PKHD1: variants seen among roughly 807,000 people sequenced by gnomAD.
PKHD1 encodes fibrocystin.
In PKHD1, 291 loss-of-function variants were observed where a neutral mutation model predicts 412.0. That is an observed-to-expected ratio of 0.71 (90% confidence interval 0.64 to 0.78). The LOEUF (loss-of-function observed/expected upper bound fraction) is 0.78. PKHD1 is among the 30% of genes least tolerant of loss of function. PKHD1 has a pLI of 0.00. For synonymous variants in PKHD1, 1,777 were observed against 1,821.5 expected, an observed-to-expected ratio of 0.98 and a Z score of 0.62; for missense variants, 4,825 against 4,950.7, an observed-to-expected ratio of 0.97 and a Z score of 0.76.
chr6:52,021,614 A>G (rs533614660), intron 33 of PKHD1, among the ~76,000 whole-genome samples: 2 of 152,194 alleles, frequency 1.3e-5, no homozygotes, highest in African/African-American at 2.4e-5. Flanking sequence ...TTTGAACTTC[A>G]ATCTTCTATT....
At chr6:51,810,017 G>A (rs764860805) in intron 52 of PKHD1, among the ~76,000 whole-genome samples, 3 of 151,536 alleles carry the variant, frequency 2.0e-5, no homozygotes, top group South Asian at 2.1e-4. Flanking sequence ...TTTTATTCTC[G>A]ACACTAACAG....
rs370370337 is a variant in PKHD1, at chr6:51,928,377, AGTCAGACTTCTGTCT to A, written c.6121+5718_6121+5732del. On this transcript the variant is annotated intron_variant, in intron 37 of 66. Coordinates refer to ENST00000371117, the MANE Select transcript of PKHD1 (RefSeq NM_138694.4). ...CTAAAGAAAAATAAAATCTATTCTGAGTCAGACTTCTGTCTGAAAGGTTTGCATCTACCAAACATC... is the reference window on the plus strand; with the variant it reads ...CTAAAGAAAAATAAAATCTATTCTGAGAAAGGTTTGCATCTACCAAACATC... Among the ~76,000 whole-genome samples the A allele has an allele frequency of 7.5e-3, 1,147 of 152,324 alleles. 12 individuals are homozygous for A. Among genetic ancestry groups the A allele is most frequent in the Middle Eastern group, 0.031 (9 of 294 alleles).
intron 50 of PKHD1, among the ~76,000 whole-genome samples, chr6:51,839,071 G>A (rs1769728407): frequency 6.6e-6 from 1 of 152,142 alleles, no homozygotes; most frequent in Non-Finnish European, 1.5e-5. Flanking sequence ...TAATCATGAT[G>A]AGCTGTAGTA....
chr6:51,690,412 A>C (rs1201391531), intron 60 of PKHD1, among the ~76,000 whole-genome samples: 1 of 152,202 alleles, frequency 6.6e-6, no homozygotes, highest in African/African-American at 2.4e-5. Flanking sequence ...TCCAACTTCA[A>C]ACTATACTAC....
intron 52 of PKHD1, among the ~76,000 whole-genome samples, chr6:51,825,731 T>C (rs1767190353): frequency 6.6e-6 from 1 of 152,126 alleles, no homozygotes; most frequent in Non-Finnish European, 1.5e-5. Flanking sequence ...GGTTTCTGGG[T>C]GGTTTGCCAG....
At position 51,956,487 on chromosome 6, in the gene PKHD1, G is replaced by A. The variant is rs374183061; in HGVS notation, c.5908+3383C>T. Reference sequence around the variant, plus strand: ...ATCAACATAAAATTTTTGAGCCTTCGTCATGCATCAGGCACTGTTCTAGAC... The same window carrying A: ...ATCAACATAAAATTTTTGAGCCTTCATCATGCATCAGGCACTGTTCTAGAC... On this transcript the variant is annotated intron_variant, in intron 36 of 66. Transcript: ENST00000371117. 6.0e-4 allele frequency among the ~76,000 whole-genome samples: 91 copies of A among 152,038 alleles called. No homozygotes were observed. In the South Asian group the frequency reaches 0.015, roughly 26 times the overall value.
intron 61 of PKHD1, among the ~76,000 whole-genome samples, chr6:51,651,698 C>T (rs1771007210): frequency 6.6e-6 from 1 of 152,064 alleles, no homozygotes; most frequent in African/African-American, 2.4e-5. Context: ...GCAATTTCTC[C>T]CCCTTCCCTG....
intron 35 of PKHD1, among the ~76,000 whole-genome samples, chr6:51,986,563 T>A (rs1296107640): frequency 6.6e-6 from 1 of 152,152 alleles, no homozygotes; most frequent in African/African-American, 2.4e-5. Context: ...TTTTAAAAAG[T>A]GAAACAACTG....
chr6:51,640,176 T>C (rs1240529563), intron 63 of PKHD1, among the ~76,000 whole-genome samples: 2 of 152,222 alleles, frequency 1.3e-5, no homozygotes, highest in Non-Finnish European at 1.5e-5. Flanking sequence ...CATGAAATCA[T>C]TTGCTGCAGT....
At chr6:51,761,664 T>C (rs1159946633) in intron 55 of PKHD1, among the ~76,000 whole-genome samples, 2 of 152,054 alleles carry the variant, frequency 1.3e-5, no homozygotes, top group Admixed American at 6.6e-5. Flanking sequence ...CAATCCACAA[T>C]GCAATACATG....
At chr6:52,035,857 G>A (rs1803865377) in intron 27 of PKHD1, 136 bp from the exon 28 acceptor site, 1 of 854,340 alleles carries the variant, frequency 1.2e-6, no homozygotes, top group Admixed American at 2.1e-5. Context: ...TCAAACTGCA[G>A]GAAAAAAACT....
intron 34 of PKHD1, among the ~76,000 whole-genome samples, chr6:52,013,181 G>C (rs1170535759): frequency 6.6e-6 from 1 of 152,114 alleles, no homozygotes; most frequent in Non-Finnish European, 1.5e-5. Flanking sequence ...GCTTCCACTT[G>C]CCTCATAAAC....
chr6:52,009,722 A>G (rs577391008), intron 35 of PKHD1, among the ~76,000 whole-genome samples: 6 of 152,200 alleles, frequency 3.9e-5, no homozygotes, highest in African/African-American at 1.4e-4. Flanking sequence ...ACTTACAAAC[A>G]TGCTTTTAGA....
chr6:51,910,131 G>C (rs764843063), intron 39 of PKHD1, among the ~76,000 whole-genome samples: 11 of 151,980 alleles, frequency 7.2e-5, no homozygotes, highest in Non-Finnish European at 1.5e-4. Flanking sequence ...TGAATGCCAG[G>C]GAGGGCAGCA....
chr6:51,728,922 A>G (rs886215872), intron 60 of PKHD1, among the ~76,000 whole-genome samples: 5 of 152,218 alleles, frequency 3.3e-5, no homozygotes, highest in Non-Finnish European at 7.3e-5. Flanking sequence ...TGCTTATCCT[A>G]TGACAGGCCT....
intron 55 of PKHD1, among the ~76,000 whole-genome samples, chr6:51,762,467 T>C (rs1212099668): frequency 1.3e-5 from 2 of 152,012 alleles, no homozygotes; most frequent in Non-Finnish European, 2.9e-5. Context: ...TCTTCACAAG[T>C]CAACTCAAGC....
intron 59 of PKHD1, among the ~76,000 whole-genome samples, chr6:51,745,740 T>G (rs1183779944): frequency 6.6e-6 from 1 of 152,144 alleles, no homozygotes; most frequent in Non-Finnish European, 1.5e-5. Flanking sequence ...TCTTCATAAA[T>G]TATCCAGTCT....
chr6:51,960,875 CA>C (rs1791927387), intron 35 of PKHD1, among the ~76,000 whole-genome samples: 1 of 152,116 alleles, frequency 6.6e-6, no homozygotes. Context: ...TTTTTTAAAA[CA>C]GGGACATAAA....
At chr6:51,850,057 A>AG (rs1771916075) in intron 49 of PKHD1, among the ~76,000 whole-genome samples, 1 of 152,114 alleles carries the variant, frequency 6.6e-6, no homozygotes, top group South Asian at 2.1e-4. Context: ...ATCCATCTTG[A>AG]GTTAATTTTT....
Sources: allele counts gnomAD v4.1 joint callset (sites outside exome capture counted in the v4.1 genomes callset), GRCh38; gene constraint gnomAD v4.1.1; transcripts MANE v1.5; gene names NCBI Gene and HGNC (gene_info 2026-07-23, HGNC 2026-07-21).